The following MOSMO variants were observed in gnomAD, a reference collection of about 807,000 sequenced individuals.
The protein encoded by MOSMO is modulator of smoothened protein.
Under a neutral mutation model 18.4 loss-of-function variants are expected in MOSMO, and 5 were observed. The observed-to-expected ratio is 0.27, with a 90% CI of 0.14 to 0.57. MOSMO has a LOEUF of 0.57. MOSMO is among the 20% of genes least tolerant of loss of function. The probability of loss-of-function intolerance (pLI) is 0.92; values close to 1 mark genes in which losing one functional copy is unlikely to be tolerated. For missense variants in MOSMO, 138 were observed against 211.8 expected (o/e 0.65, Z 2.16); for synonymous variants, 82 against 82.3 (o/e 1.00, Z 0.02).
chr16:22,042,702 G>A (rs949612633), intron 1 of MOSMO, among the ~76,000 whole-genome samples: 4 of 152,172 alleles, frequency 2.6e-5, no homozygotes, highest in Admixed American at 2.0e-4. Flanking sequence ...GTCACCAAGC[G>A]AATTCAGTAC....
chr16:22,052,107 G>T (rs1309622777), intron 1 of MOSMO, among the ~76,000 whole-genome samples: 1 of 152,088 alleles, frequency 6.6e-6, no homozygotes, highest in Admixed American at 6.6e-5. Context: ...AGTTTCATGT[G>T]TGAAATGAAT....
chr16:22,028,061 T>C (rs1277192532), intron 1 of MOSMO, among the ~76,000 whole-genome samples: 1 of 152,208 alleles, frequency 6.6e-6, no homozygotes, highest in Admixed American at 6.5e-5. Context: ...GTACCATCCA[T>C]TTTGAAAAGA....
chr16:22,011,560 G>T (rs967991549), intron 1 of MOSMO, among the ~76,000 whole-genome samples: 2 of 152,180 alleles, frequency 1.3e-5, no homozygotes, highest in African/African-American at 4.8e-5. Flanking sequence ...TTGAAGACCA[G>T]TCAGAGTGGG....
chr16:22,058,733 G>A (rs780392873), intron 1 of MOSMO, among the ~76,000 whole-genome samples: 14 of 152,304 alleles, frequency 9.2e-5, no homozygotes, highest in East Asian at 1.9e-4. Context: ...GTTCGTTTTC[G>A]TATTTGTTGA....
At chr16:22,020,194 CAA>C (rs1899727621) in intron 1 of MOSMO, among the ~76,000 whole-genome samples, 1 of 137,636 alleles carries the variant, frequency 7.3e-6, no homozygotes, top group Non-Finnish European at 1.5e-5. Context: ...GCCTGGGCAA[CAA>C]GAGCGAAAAC....
intron 1 of MOSMO, among the ~76,000 whole-genome samples, chr16:22,044,001 TGA>T (rs201081698): frequency 0.016 from 2,411 of 152,074 alleles, 70 homozygotes; most frequent in Admixed American, 0.071. Context: ...CAAGAGAGAA[TGA>T]GAGAGCCAAG....
chr16:22,068,043 C>T (rs1900781038), intron 1 of MOSMO, among the ~76,000 whole-genome samples: 1 of 152,068 alleles, frequency 6.6e-6, no homozygotes, highest in South Asian at 2.1e-4. Flanking sequence ...AAAGTGTGTC[C>T]ACAGGCTGAA....
In MOSMO at chr16:22,083,718, TCTG is replaced by T. The variant is rs762528346; in HGVS notation, c.*2842_*2844del. The T allele has an allele frequency of 1.0e-4, 45 of 450,436 alleles. No homozygotes were observed. Among genetic ancestry groups the T allele is most frequent in the Non-Finnish European group, 1.7e-4 (38 of 225,632 alleles). 27.9% of individuals were successfully genotyped at this position (450,436 alleles called of 1,614,324 possible). ...CATACCTAAGAATATCACTGTAAAA[TCTG>T]CTGAAAACTATTTTTAGGTTTTATT... On this transcript the variant is annotated 3_prime_UTR_variant, in exon 3 of 3. Coordinates refer to ENST00000542527, the MANE Select transcript of MOSMO (RefSeq NM_001164579.2).
At chr16:22,022,436 TGCAG>T (rs1380966414) in intron 1 of MOSMO, among the ~76,000 whole-genome samples, 2 of 152,224 alleles carry the variant, frequency 1.3e-5, no homozygotes, top group African/African-American at 4.8e-5. Context: ...AATGTTTATA[TGCAG>T]GTGCTGTGCT....
chr16:22,026,747 T>C (rs1283021970), intron 1 of MOSMO, among the ~76,000 whole-genome samples: 1 of 152,210 alleles, frequency 6.6e-6, no homozygotes, highest in Non-Finnish European at 1.5e-5. Flanking sequence ...TAATAACTGG[T>C]TGTTAAATGA....
At chr16:22,079,839 A>C (rs1384549003) in intron 2 of MOSMO, among the ~76,000 whole-genome samples, 1 of 152,172 alleles carries the variant, frequency 6.6e-6, no homozygotes, top group Non-Finnish European at 1.5e-5. Flanking sequence ...GCTGGAGTGC[A>C]GTGGCACAAT....
intron 1 of MOSMO, among the ~76,000 whole-genome samples, chr16:22,033,450 C>T (rs546979248): frequency 9.9e-5 from 15 of 151,960 alleles, no homozygotes; most frequent in South Asian, 4.2e-4. Context: ...TGCAGTGGCA[C>T]GCTCTTGGCT....
At chr16:22,011,125 G>T (rs1466994614) in intron 1 of MOSMO, among the ~76,000 whole-genome samples, 2 of 152,172 alleles carry the variant, frequency 1.3e-5, no homozygotes, top group African/African-American at 4.8e-5. Context: ...ACGGTGATAA[G>T]TAGGTTTGTC....
intron 1 of MOSMO, among the ~76,000 whole-genome samples, chr16:22,010,933 GAAAAA>G (rs568258058): frequency 1.2e-5 from 1 of 84,046 alleles, no homozygotes; most frequent in Non-Finnish European, 2.6e-5. Context: ...AAAGAAAACA[GAAAAA>G]AAAAAAAAAA....
intron 1 of MOSMO, among the ~76,000 whole-genome samples, chr16:22,057,651 T>C (rs1459734734): frequency 2.0e-5 from 3 of 152,156 alleles, no homozygotes; most frequent in Non-Finnish European, 4.4e-5. Context: ...GAAAATAAGA[T>C]AGATACTGGC....
At chr16:22,021,632 T>C (rs765988309) in intron 1 of MOSMO, among the ~76,000 whole-genome samples, 4 of 151,892 alleles carry the variant, frequency 2.6e-5, no homozygotes, top group African/African-American at 4.8e-5. Flanking sequence ...ACCCTGTGTC[T>C]ACAAAAAATA....
At chr16:22,049,494 C>T (rs1287217549) in intron 1 of MOSMO, among the ~76,000 whole-genome samples, 1 of 152,018 alleles carries the variant, frequency 6.6e-6, no homozygotes, top group Non-Finnish European at 1.5e-5. Context: ...GTTCTGTATG[C>T]CATCTTATAT....
chr16:22,023,999 A>G (rs975992407), intron 1 of MOSMO, among the ~76,000 whole-genome samples: 3 of 145,114 alleles, frequency 2.1e-5, no homozygotes, highest in Non-Finnish European at 4.5e-5. Context: ...TGTACAAATT[A>G]TATATATATA....
intron 1 of MOSMO, among the ~76,000 whole-genome samples, chr16:22,014,847 T>G (rs1450678911): frequency 6.6e-6 from 1 of 152,218 alleles, no homozygotes; most frequent in East Asian, 1.9e-4. Flanking sequence ...ATTTTGAGAT[T>G]GTGTTGTCCT....
Sources: gnomAD v4.1 joint callset for allele counts (sites outside exome capture counted in the v4.1 genomes callset) on GRCh38, gnomAD v4.1.1 for gene constraint, MANE v1.5 for transcripts, NCBI Gene and HGNC (gene_info 2026-07-23, HGNC 2026-07-21) for gene names.